Variants in CSMD1 observed in about 807,000 individuals in gnomAD.
The protein encoded by CSMD1 is CUB and sushi domain-containing protein 1.
In CSMD1, 213 loss-of-function variants were observed where a neutral mutation model predicts 417.5. The observed-to-expected ratio is 0.51, with a 90% CI of 0.46 to 0.57. The LOEUF (loss-of-function observed/expected upper bound fraction) is 0.57, where lower values mean the gene tolerates loss of function less well. CSMD1 is among the 20% of genes least tolerant of loss of function. CSMD1 has a pLI of 0.00. For synonymous variants in CSMD1, 2,862 were observed against 1,736.8 expected, an observed-to-expected ratio of 1.65 and a Z score of -16.11; for missense variants, 6,923 against 4,529.7, an observed-to-expected ratio of 1.53 and a Z score of -15.17.
chr8:3,833,840 T>G lies in CSMD1; in HGVS notation c.819-79798A>C, dbSNP rs1802510708. Reference sequence around the variant, plus strand: ...CAAAATGGTTAAACAATATAAGACGTTTTTCTTTAACTCCCAAACTTTGAT... The same window carrying G: ...CAAAATGGTTAAACAATATAAGACGGTTTTCTTTAACTCCCAAACTTTGAT... On this transcript the variant is annotated intron_variant, in intron 5 of 69. Transcript: ENST00000635120. 2.0e-5 allele frequency among the ~76,000 whole-genome samples: 3 copies of G among 152,046 alleles called. No homozygotes were observed. In the South Asian group the frequency reaches 6.2e-4, roughly 31 times the overall value.
chr8:3,789,352 G>A (rs1799605954), intron 5 of CSMD1, among the ~76,000 whole-genome samples: 1 of 142,186 alleles, frequency 7.0e-6, no homozygotes, highest in South Asian at 2.2e-4. Flanking sequence ...TGTAACTTGT[G>A]TCTGCTTGTA....
chr8:3,400,205 T>C (rs76687649), intron 15 of CSMD1, among the ~76,000 whole-genome samples: 3,846 of 152,276 alleles, frequency 0.025, 138 homozygotes, highest in South Asian at 0.14. Context: ...AAAGGAATTT[T>C]AAATAGCATA....
At chr8:4,309,699 C>G (rs753026671) in intron 3 of CSMD1, among the ~76,000 whole-genome samples, 14 of 152,094 alleles carry the variant, frequency 9.2e-5, no homozygotes, top group Non-Finnish European at 1.9e-4. Context: ...AGATTTTACT[C>G]TAGGGATTGT....
chr8:4,646,621 T>A lies in CSMD1; in HGVS notation c.86-9063A>T, dbSNP rs150516031. Among the ~76,000 whole-genome samples the A allele has an allele frequency of 3.6e-3, 554 of 152,020 alleles. 4 individuals are homozygous for A. Among genetic ancestry groups the A allele is most frequent in the African/African-American group, 0.013 (525 of 41,448 alleles). Reference sequence around the variant, plus strand: ...TGTAGATATATGAGTGCCATAGTTGTCTTTCCTCAACAATGAAGAAAGATT... The same window carrying A: ...TGTAGATATATGAGTGCCATAGTTGACTTTCCTCAACAATGAAGAAAGATT... On this transcript the variant is annotated intron_variant, in intron 1 of 69. Coordinates refer to ENST00000635120, the MANE Select transcript of CSMD1 (RefSeq NM_033225.6).
At chr8:4,093,643 G>T (rs1020236060) in intron 3 of CSMD1, among the ~76,000 whole-genome samples, 4 of 152,052 alleles carry the variant, frequency 2.6e-5, no homozygotes, top group Non-Finnish European at 4.4e-5. Context: ...ATGATTGAGA[G>T]GAGAAAGTGA....
chr8:4,506,146 G>A (rs1349045131), intron 2 of CSMD1, among the ~76,000 whole-genome samples: 1 of 152,128 alleles, frequency 6.6e-6, no homozygotes, highest in African/African-American at 2.4e-5. Context: ...TGCTGTATTA[G>A]ATTGGTGCAA....
At chr8:4,723,996 A>G (rs1216153808) in intron 1 of CSMD1, among the ~76,000 whole-genome samples, 4 of 152,068 alleles carry the variant, frequency 2.6e-5, no homozygotes, top group Non-Finnish European at 4.4e-5. Flanking sequence ...AACAATTTTT[A>G]AAAATATGAT....
At chr8:4,423,190 C>T (rs1203645953) in intron 2 of CSMD1, among the ~76,000 whole-genome samples, 3 of 152,108 alleles carry the variant, frequency 2.0e-5, no homozygotes, top group Middle Eastern at 3.4e-3. Context: ...TATTCAATAT[C>T]GTGCTGGAAT....
chr8:4,293,836 T>C (rs1797515834), intron 3 of CSMD1, among the ~76,000 whole-genome samples: 1 of 152,204 alleles, frequency 6.6e-6, no homozygotes, highest in African/African-American at 2.4e-5. Context: ...TAACATTCAG[T>C]GTCCAAAGCT....
At chr8:4,170,556 T>G (rs529176688) in intron 3 of CSMD1, among the ~76,000 whole-genome samples, 2 of 152,018 alleles carry the variant, frequency 1.3e-5, no homozygotes, top group East Asian at 3.9e-4. Context: ...ATATGGAACA[T>G]GGACAATGGA....
intron 3 of CSMD1, among the ~76,000 whole-genome samples, chr8:4,099,498 A>G (rs930133223): frequency 6.6e-6 from 1 of 152,088 alleles, no homozygotes; most frequent in South Asian, 2.1e-4. Context: ...CCAGCCTTCA[A>G]TGCTGTTCAC....
chr8:4,078,055 A>G (rs775433425), intron 3 of CSMD1, among the ~76,000 whole-genome samples: 13 of 152,166 alleles, frequency 8.5e-5, no homozygotes, highest in Non-Finnish European at 1.3e-4. Context: ...GGGAGTAGGA[A>G]AAAATATGTT....
chr8:4,247,801 C>T (rs569101569), intron 3 of CSMD1, among the ~76,000 whole-genome samples: 6 of 152,080 alleles, frequency 3.9e-5, no homozygotes, highest in African/African-American at 1.2e-4. Flanking sequence ...ACTGTGGGAG[C>T]CAAAGCAAGT....
intron 1 of CSMD1, among the ~76,000 whole-genome samples, chr8:4,890,632 C>T (rs762533988): frequency 2.4e-4 from 36 of 151,354 alleles, no homozygotes; most frequent in African/African-American, 7.5e-4. Context: ...GTCCTCACAG[C>T]CATGGGCATC....
At chr8:4,491,921 T>C (rs1801723654) in intron 2 of CSMD1, among the ~76,000 whole-genome samples, 2 of 152,080 alleles carry the variant, frequency 1.3e-5, no homozygotes, top group African/African-American at 4.8e-5. Context: ...CTTTACAAAA[T>C]ATTTATAGCA....
intron 10 of CSMD1, among the ~76,000 whole-genome samples, chr8:3,546,339 T>C (rs1250262620): frequency 6.6e-6 from 1 of 151,896 alleles, no homozygotes; most frequent in Non-Finnish European, 1.5e-5. Flanking sequence ...ATCGAGACCA[T>C]CTTGGCAAAC....
chr8:4,802,827 A>G (rs764274258), intron 1 of CSMD1, among the ~76,000 whole-genome samples: 3 of 152,192 alleles, frequency 2.0e-5, no homozygotes, highest in Non-Finnish European at 4.4e-5. Context: ...CTCCAATAAT[A>G]CTTAGTTTTT....
At chr8:3,965,630 A>C (rs938395154) in intron 5 of CSMD1, among the ~76,000 whole-genome samples, 3 of 151,908 alleles carry the variant, frequency 2.0e-5, no homozygotes, top group Admixed American at 6.6e-5. Flanking sequence ...TTATTTATTT[A>C]TTTTTGAAAT....
At chr8:4,604,682 T>C (rs1218528719) in intron 2 of CSMD1, among the ~76,000 whole-genome samples, 1 of 152,178 alleles carries the variant, frequency 6.6e-6, no homozygotes, top group African/African-American at 2.4e-5. Flanking sequence ...CTTTCCAAAC[T>C]ATGTCTCCTA....
Sources: allele counts gnomAD v4.1 joint callset (sites outside exome capture counted in the v4.1 genomes callset), GRCh38; gene constraint gnomAD v4.1.1; transcripts MANE v1.5; gene names NCBI Gene and HGNC (gene_info 2026-07-23, HGNC 2026-07-21).